MTUS2: variants seen among roughly 807,000 people sequenced by gnomAD.
MTUS2 encodes the protein microtubule-associated tumor suppressor candidate 2.
A neutral mutation model predicts 114.1 loss-of-function variants in MTUS2; 40 were observed. That is an observed-to-expected ratio of 0.35 (90% confidence interval 0.27 to 0.46). The LOEUF (loss-of-function observed/expected upper bound fraction) is 0.46. Among genes scored for constraint, MTUS2 ranks in the 20% least tolerant of loss-of-function variants. The probability of loss-of-function intolerance (pLI) is 1.00; values close to 1 mark genes in which losing one functional copy is unlikely to be tolerated. For synonymous variants in MTUS2, 688 were observed against 672.0 expected (o/e 1.02, Z -0.37); for missense variants, 1,679 against 1,705.4 (o/e 0.98, Z 0.27).
intron 2 of MTUS2, among the ~76,000 whole-genome samples, chr13:28,890,887 A>C (rs1026772176): frequency 5.3e-5 from 8 of 152,062 alleles, no homozygotes; most frequent in Non-Finnish European, 1.2e-4. Flanking sequence ...ATAGCTTTTC[A>C]TGGGGCAAGC....
Position 29,501,037 on chromosome 13 carries a change from C to T in MTUS2, c.3799-60C>T, listed in dbSNP as rs569350053. 1,025 of 1,386,510 alleles carry T rather than the reference C, an allele frequency of 7.4e-4. 1 individual carries two copies. The highest frequency in any genetic ancestry group is 1.1e-3 in the Admixed American group (64 of 57,832). 85.9% of individuals were successfully genotyped at this position (1,386,510 alleles called of 1,614,324 possible). On this transcript the variant is annotated intron_variant, in intron 14 of 15. Transcript: ENST00000612955. Reference sequence around the variant, plus strand: ...CCTCCAATGCCCAGAGCTGAGGGCACCGGTTTACTCCCGATTTTATGGCCT... The same window carrying T: ...CCTCCAATGCCCAGAGCTGAGGGCATCGGTTTACTCCCGATTTTATGGCCT...
chr13:29,408,572 C>G (rs1874967406), intron 8 of MTUS2, among the ~76,000 whole-genome samples: 1 of 152,136 alleles, frequency 6.6e-6, no homozygotes, highest in African/African-American at 2.4e-5. Flanking sequence ...CCCTCCTTGA[C>G]CATCCAAAGT....
At chr13:29,451,600 T>C (rs1878685740) in intron 9 of MTUS2, among the ~76,000 whole-genome samples, 1 of 152,104 alleles carries the variant, frequency 6.6e-6, no homozygotes, top group Admixed American at 6.5e-5. Context: ...TTTTTTTTTT[T>C]TGAGATGGAG....
chr13:29,369,042 C>T (rs981721478), intron 8 of MTUS2, among the ~76,000 whole-genome samples: 4 of 152,002 alleles, frequency 2.6e-5, no homozygotes, highest in Non-Finnish European at 5.9e-5. Context: ...GCATCTCTGA[C>T]AGGTGAGAGT....
chr13:29,106,539 A>T (rs1158522276), intron 5 of MTUS2, among the ~76,000 whole-genome samples: 2 of 152,102 alleles, frequency 1.3e-5, no homozygotes, highest in Non-Finnish European at 2.9e-5. Flanking sequence ...TTGTATTTTT[A>T]GTAGATGGGG....
intron 5 of MTUS2, among the ~76,000 whole-genome samples, chr13:29,162,846 G>A (rs541935248): frequency 6.6e-6 from 1 of 152,158 alleles, no homozygotes; most frequent in Non-Finnish European, 1.5e-5. Flanking sequence ...CTAGGACTTC[G>A]TATGCCCGAG....
chr13:29,362,663 G>A, intron 8 of MTUS2, among the ~76,000 whole-genome samples: 1 of 152,212 alleles, frequency 6.6e-6, no homozygotes, highest in East Asian at 1.9e-4. Context: ...CTCCAGCCTT[G>A]GTGACAGAGG....
chr13:29,384,129 T>A (rs1872469405), intron 8 of MTUS2, among the ~76,000 whole-genome samples: 1 of 152,256 alleles, frequency 6.6e-6, no homozygotes, highest in Admixed American at 6.5e-5. Context: ...TAAAATACTC[T>A]ATTTCTGTGA....
chr13:28,831,412 A>T (rs1472093585), intron 1 of MTUS2, among the ~76,000 whole-genome samples: 1 of 152,376 alleles, frequency 6.6e-6, no homozygotes, highest in South Asian at 2.1e-4. Context: ...CTCACTTTAT[A>T]TATGAAGACA....
intron 8 of MTUS2, among the ~76,000 whole-genome samples, chr13:29,438,287 G>A (rs565032457): frequency 1.3e-5 from 2 of 152,324 alleles, no homozygotes; most frequent in East Asian, 1.9e-4. Context: ...CTATGGGCTG[G>A]GATGGAAGGA....
chr13:29,363,983 A>G (rs918925854), intron 8 of MTUS2, among the ~76,000 whole-genome samples: 31 of 152,206 alleles, frequency 2.0e-4, no homozygotes, highest in African/African-American at 7.5e-4. Context: ...TGAAGACAAC[A>G]TAATTAGAAA....
chr13:29,055,205 G>A (rs1005143033), intron 4 of MTUS2, among the ~76,000 whole-genome samples: 1 of 151,968 alleles, frequency 6.6e-6, no homozygotes, highest in African/African-American at 2.4e-5. Flanking sequence ...ACATTTTAAA[G>A]CTCTATTATT....
intron 5 of MTUS2, among the ~76,000 whole-genome samples, chr13:29,258,177 A>G (rs1897342281): frequency 6.6e-6 from 1 of 152,240 alleles, no homozygotes; most frequent in Non-Finnish European, 1.5e-5. Context: ...TCTCATCTCC[A>G]GGCTCTGGGG....
chr13:29,433,905 A>G (rs752967028), intron 8 of MTUS2, among the ~76,000 whole-genome samples: 2 of 152,198 alleles, frequency 1.3e-5, no homozygotes, highest in Non-Finnish European at 2.9e-5. Flanking sequence ...CAATTTTAAA[A>G]GATCTGGAGG....
chr13:29,159,434 C>A (rs1432190151), intron 5 of MTUS2, among the ~76,000 whole-genome samples: 2 of 152,020 alleles, frequency 1.3e-5, no homozygotes, highest in Admixed American at 1.3e-4. Context: ...TCTTCAGGAT[C>A]TAGGACTAAG....
At chr13:28,831,165 A>T (rs1874647538) in intron 1 of MTUS2, among the ~76,000 whole-genome samples, 1 of 152,224 alleles carries the variant, frequency 6.6e-6, no homozygotes, top group Non-Finnish European at 1.5e-5. Context: ...TGTAAAAGAA[A>T]CGGAATGAAA....
chr13:29,342,702 A>G (rs1029191808), intron 7 of MTUS2, among the ~76,000 whole-genome samples: 3 of 152,158 alleles, frequency 2.0e-5, no homozygotes, highest in Admixed American at 6.5e-5. Context: ...TATGTTGAAT[A>G]GAAGTGGTGA....
chr13:29,172,420 T>C (rs1893602378), intron 5 of MTUS2, among the ~76,000 whole-genome samples: 1 of 152,218 alleles, frequency 6.6e-6, no homozygotes, highest in Non-Finnish European at 1.5e-5. Context: ...GTTTGGCCTC[T>C]GAGAAGAAAA....
intron 5 of MTUS2, among the ~76,000 whole-genome samples, chr13:29,146,388 G>A (rs935212584): frequency 6.6e-6 from 1 of 152,174 alleles, no homozygotes; most frequent in Admixed American, 6.5e-5. Context: ...GTAAATATTT[G>A]AGAAGCAGTA....
Sources: gnomAD v4.1 joint callset for allele counts (sites outside exome capture counted in the v4.1 genomes callset) on GRCh38, gnomAD v4.1.1 for gene constraint, MANE v1.5 for transcripts, NCBI Gene and HGNC (gene_info 2026-07-23, HGNC 2026-07-21) for gene names.